The following GABRA2 variants were observed in gnomAD, a reference collection of about 807,000 sequenced individuals.
The protein encoded by GABRA2 is gamma-aminobutyric acid receptor subunit alpha-2.
In GABRA2, 16 loss-of-function variants were observed where a neutral mutation model predicts 48.7. The observed-to-expected ratio is 0.33, with a 90% CI of 0.22 to 0.50. The LOEUF is 0.50. Among genes scored for constraint, GABRA2 ranks in the 20% least tolerant of loss-of-function variants. The pLI is 0.98. For missense variants in GABRA2, 275 were observed against 535.6 expected (o/e 0.51, Z 4.80); for synonymous variants, 185 against 184.5 (o/e 1.00, Z -0.02).
chr4:46,303,708 T>C, intron 7 of GABRA2, 96 bp from the exon 8 acceptor site: 1 of 1,047,816 alleles, frequency 9.5e-7, no homozygotes, highest in Non-Finnish European at 1.4e-6. Flanking sequence ...AACTGATTTT[T>C]TAAAAAATAA....
At chr4:46,376,052 C>T (rs951797282) in intron 3 of GABRA2, among the ~76,000 whole-genome samples, 1 of 152,210 alleles carries the variant, frequency 6.6e-6, no homozygotes, top group African/African-American at 2.4e-5. Flanking sequence ...GTACATGCCT[C>T]ATCTCCCCGA....
intron 4 of GABRA2, 67 bp downstream of exon 4, chr4:46,332,548 G>T: frequency 1.1e-6 from 1 of 900,632 alleles, no homozygotes; most frequent in Non-Finnish European, 1.9e-6. Flanking sequence ...AAAAATGCTA[G>T]TTTATTTGAA....
At chr4:46,380,695 G>C (rs1716644742) in intron 3 of GABRA2, among the ~76,000 whole-genome samples, 1 of 152,084 alleles carries the variant, frequency 6.6e-6, no homozygotes, top group South Asian at 2.1e-4. Flanking sequence ...TCAAAAGCAG[G>C]TACTGATCTT....
rs1713703153 is a variant in GABRA2 at position 46,246,293 on chromosome 4, T to C, written c.*4015A>G. Among the ~76,000 whole-genome samples the C allele has an allele frequency of 6.6e-6, 1 of 151,038 alleles. No homozygotes were observed. The highest frequency in any genetic ancestry group is 1.5e-5 in the Non-Finnish European group (1 of 67,446). Reference sequence around the variant, plus strand: ...TGATGGAAAATATTAATATCTTTAATATAAATTTTAACAGCAAAATATTAT... The same window carrying C: ...TGATGGAAAATATTAATATCTTTAACATAAATTTTAACAGCAAAATATTAT... On this transcript the variant is annotated 3_prime_UTR_variant, in exon 10 of 10. Coordinates refer to ENST00000381620, the MANE Select transcript of GABRA2 (RefSeq NM_000807.4).
chr4:46,275,177 A>T (rs1405459687), intron 8 of GABRA2, among the ~76,000 whole-genome samples: 1 of 152,130 alleles, frequency 6.6e-6, no homozygotes, highest in Non-Finnish European at 1.5e-5. Context: ...TAAACCCATC[A>T]TCTTAATGAC....
intron 8 of GABRA2, among the ~76,000 whole-genome samples, chr4:46,291,779 A>ATATG (rs1553906985): frequency 3.4e-5 from 5 of 148,754 alleles, no homozygotes; most frequent in African/African-American, 1.2e-4. Flanking sequence ...ACACACACAT[A>ATATG]TATATATATA....
intron 9 of GABRA2, among the ~76,000 whole-genome samples, chr4:46,257,653 C>A (rs1350364919): frequency 6.6e-6 from 1 of 151,626 alleles, no homozygotes; most frequent in Non-Finnish European, 1.5e-5. Context: ...GAATAACTGC[C>A]TTTAATAATT....
chr4:46,257,668 A>T (rs755502835), intron 9 of GABRA2, among the ~76,000 whole-genome samples: 3 of 151,816 alleles, frequency 2.0e-5, no homozygotes, highest in Non-Finnish European at 2.9e-5. Context: ...ATAATTGATT[A>T]AAGAACTGAA....
chr4:46,377,343 C>T (rs374358373), intron 3 of GABRA2, among the ~76,000 whole-genome samples: 1 of 151,600 alleles, frequency 6.6e-6, no homozygotes. Context: ...CGTCTCTGCC[C>T]AGCCGCCCAT....
intron 3 of GABRA2, among the ~76,000 whole-genome samples, chr4:46,361,583 G>T (rs924394008): frequency 5.9e-5 from 9 of 152,172 alleles, no homozygotes; most frequent in African/African-American, 2.2e-4. Context: ...TAGGGTTGGA[G>T]CCACCAAACA....
intron 3 of GABRA2, among the ~76,000 whole-genome samples, chr4:46,350,873 C>T (rs945341022): frequency 6.6e-6 from 1 of 151,726 alleles, no homozygotes; most frequent in African/African-American, 2.4e-5. Context: ...ATGAAGTGTG[C>T]ATAAATCATA....
intron 6 of GABRA2, among the ~76,000 whole-genome samples, chr4:46,306,226 AAAT>A (rs1237349897): frequency 2.0e-5 from 3 of 152,220 alleles, no homozygotes; most frequent in Non-Finnish European, 4.4e-5. Flanking sequence ...CATATAAGAT[AAAT>A]AATAACGCTA....
intron 2 of GABRA2, among the ~76,000 whole-genome samples, chr4:46,388,155 A>G (rs1175748320): frequency 1.3e-5 from 2 of 152,040 alleles, no homozygotes; most frequent in Non-Finnish European, 2.9e-5. Flanking sequence ...TACTACCTCC[A>G]CCTAGAGGTT....
chr4:46,354,211 C>A (rs1375843708), intron 3 of GABRA2, among the ~76,000 whole-genome samples: 1 of 152,104 alleles, frequency 6.6e-6, no homozygotes, highest in Non-Finnish European at 1.5e-5. Flanking sequence ...GGTTACACAG[C>A]AGGTAAGTGG....
intron 3 of GABRA2, among the ~76,000 whole-genome samples, chr4:46,348,086 C>T (rs1216545739): frequency 1.3e-5 from 2 of 151,942 alleles, no homozygotes; most frequent in African/African-American, 2.4e-5. Flanking sequence ...AAGAAAAAAA[C>T]AAACAACCCC....
At chr4:46,317,634 T>C (rs956540016) in intron 4 of GABRA2, among the ~76,000 whole-genome samples, 2 of 151,582 alleles carry the variant, frequency 1.3e-5, no homozygotes. Flanking sequence ...GGCAATTGGA[T>C]TCAGAAGATT....
At chr4:46,369,787 C>T (rs544435500) in intron 3 of GABRA2, among the ~76,000 whole-genome samples, 7 of 152,108 alleles carry the variant, frequency 4.6e-5, no homozygotes, top group African/African-American at 1.4e-4. Context: ...TACAAAACTG[C>T]ATGTTAGAGT....
intron 3 of GABRA2, among the ~76,000 whole-genome samples, chr4:46,338,595 C>G (rs1470728897): frequency 6.6e-6 from 1 of 151,790 alleles, no homozygotes; most frequent in East Asian, 1.9e-4. Flanking sequence ...AGTGAGGTAT[C>G]CACAATAAAT....
chr4:46,331,286 C>T (rs180706857), intron 4 of GABRA2, among the ~76,000 whole-genome samples: 1 of 152,246 alleles, frequency 6.6e-6, no homozygotes, highest in African/African-American at 2.4e-5. Context: ...GGGGATCACC[C>T]ATCAACCACA....
Sources: gnomAD v4.1 joint callset for allele counts (sites outside exome capture counted in the v4.1 genomes callset) on GRCh38, gnomAD v4.1.1 for gene constraint, MANE v1.5 for transcripts, NCBI Gene and HGNC (gene_info 2026-07-23, HGNC 2026-07-21) for gene names.